The following DNM3 variants were observed in gnomAD, a reference collection of about 807,000 sequenced individuals.
DNM3 encodes dynamin 3.
A neutral mutation model predicts 101.6 loss-of-function variants in DNM3; 47 were observed. The observed-to-expected ratio is 0.46, with a 90% CI of 0.37 to 0.59. The LOEUF (loss-of-function observed/expected upper bound fraction) is 0.59, where lower values mean the gene tolerates loss of function less well. DNM3 is among the 20% of genes least tolerant of loss of function. DNM3 has a pLI of 0.00. For synonymous variants in DNM3, 385 were observed against 387.9 expected (o/e 0.99, Z 0.09); for missense variants, 849 against 1,085.7 (o/e 0.78, Z 3.06).
chr1:171,998,114 G>T (rs1407052969), intron 4 of DNM3, among the ~76,000 whole-genome samples: 1 of 152,126 alleles, frequency 6.6e-6, no homozygotes, highest in African/African-American at 2.4e-5. Flanking sequence ...AAAAGTGCCT[G>T]TCTCAGATGC....
chr1:171,945,470 T>C (rs2042113311), intron 2 of DNM3, among the ~76,000 whole-genome samples: 1 of 152,184 alleles, frequency 6.6e-6, no homozygotes, highest in Non-Finnish European at 1.5e-5. Context: ...CACTTTGTTA[T>C]TGAAGTCAAC....
intron 14 of DNM3, among the ~76,000 whole-genome samples, chr1:172,219,796 A>G (rs1179562020): frequency 6.6e-6 from 1 of 152,196 alleles, no homozygotes; most frequent in Non-Finnish European, 1.5e-5. Flanking sequence ...TTCCCCAGCA[A>G]ACAAGAAGCT....
At position 172,076,839 on chromosome 1, in the gene DNM3, T is replaced by C. The variant is rs548976249; in HGVS notation, c.1423-4993T>C. Among the ~76,000 whole-genome samples, 173 of 152,316 alleles carry C rather than the reference T, an allele frequency of 1.1e-3. 1 individual carries two copies. The highest frequency in any genetic ancestry group is 3.8e-3 in the African/African-American group (159 of 41,572). On this transcript the variant is annotated intron_variant, in intron 11 of 20. Transcript: ENST00000627582. ...ATGACGTTGGCATCATAAAATGAGTTAGGGAGGAGTTCCTCTTTTTCTATT... is the reference window on the plus strand; with the variant it reads ...ATGACGTTGGCATCATAAAATGAGTCAGGGAGGAGTTCCTCTTTTTCTATT...
chr1:172,329,821 A>T (rs566143876), intron 17 of DNM3, among the ~76,000 whole-genome samples: 1 of 152,352 alleles, frequency 6.6e-6, no homozygotes, highest in South Asian at 2.1e-4. Flanking sequence ...AGGGGGCCAA[A>T]TCAATAGAGC....
intron 15 of DNM3, among the ~76,000 whole-genome samples, chr1:172,300,338 G>T (rs1557955488): frequency 6.6e-6 from 1 of 152,110 alleles, no homozygotes; most frequent in Admixed American, 6.6e-5. Flanking sequence ...TCTGTAGGTT[G>T]TCTGTTTACC....
chr1:172,233,871 G>T (rs1264552957), intron 14 of DNM3, among the ~76,000 whole-genome samples: 2 of 152,140 alleles, frequency 1.3e-5, no homozygotes, highest in African/African-American at 4.8e-5. Context: ...CAATAAATTA[G>T]GTATTGATGG....
chr1:171,882,368 C>T (rs1223079317), intron 1 of DNM3, among the ~76,000 whole-genome samples: 1 of 140,496 alleles, frequency 7.1e-6, no homozygotes, highest in African/African-American at 2.6e-5. Flanking sequence ...AGCCCTTTTG[C>T]ATAACAACTA....
Position 172,035,044 on chromosome 1 carries a change from T to G in DNM3, c.849+1779T>G, listed in dbSNP as rs115463481. 6.9e-3 allele frequency among the ~76,000 whole-genome samples: 1,053 copies of G among 152,048 alleles called. 19 individuals are homozygous for G. Among genetic ancestry groups the G allele is most frequent in the African/African-American group, 0.024 (993 of 41,486 alleles). On this transcript the variant is annotated intron_variant, in intron 6 of 20. Coordinates refer to ENST00000627582, the MANE Select transcript of DNM3 (RefSeq NM_015569.5). ...AGTTAGAAGTAAAAATGAGAAATTA[T>G]GGGAATTTGGTTGTGGTAAGGGCCA... is the stretch of plus-strand genomic sequence containing the variant.
At chr1:171,911,416 G>A (rs2039293146) in intron 1 of DNM3, among the ~76,000 whole-genome samples, 1 of 151,814 alleles carries the variant, frequency 6.6e-6, no homozygotes, top group South Asian at 2.1e-4. Flanking sequence ...GAATAGCTGG[G>A]ATATTACAAG....
At chr1:171,997,366 G>C (rs2046068623) in intron 4 of DNM3, among the ~76,000 whole-genome samples, 1 of 152,126 alleles carries the variant, frequency 6.6e-6, no homozygotes, top group South Asian at 2.1e-4. Context: ...GAAGGTCTTA[G>C]GTAGGTTGGG....
intron 2 of DNM3, among the ~76,000 whole-genome samples, chr1:171,978,017 CAAA>C (rs1288724730): frequency 6.6e-6 from 1 of 152,166 alleles, no homozygotes; most frequent in Non-Finnish European, 1.5e-5. Context: ...CCCTTATCCA[CAAA>C]CCTCAAGCCT....
chr1:172,080,577 C>G (rs917463147), intron 11 of DNM3, among the ~76,000 whole-genome samples: 4 of 152,172 alleles, frequency 2.6e-5, no homozygotes, highest in Admixed American at 2.6e-4. Flanking sequence ...GGGGTGGGAT[C>G]CGCTGACCTA....
rs554036349 is a variant in DNM3, at chr1:172,084,766, C to T, written c.1493+2864C>T. 1.5e-3 allele frequency among the ~76,000 whole-genome samples: 234 copies of T among 152,150 alleles called. 1 individual carries two copies. Among genetic ancestry groups the T allele is most frequent in the African/African-American group, 5.3e-3 (221 of 41,536 alleles). On this transcript the variant is annotated intron_variant, in intron 12 of 20. Coordinates refer to ENST00000627582, the MANE Select transcript of DNM3 (RefSeq NM_015569.5). ...AAGGTCTGGGGTTGAAGAAAACAAG[C>T]ATTTGTTTCATGAGATTTTTAGAGA...
intron 10 of DNM3, among the ~76,000 whole-genome samples, chr1:172,056,599 G>C (rs1188028215): frequency 2.0e-5 from 3 of 152,180 alleles, no homozygotes; most frequent in South Asian, 2.1e-4. Flanking sequence ...ACCTCACACG[G>C]CAGGGTACTC....
At chr1:172,182,792 C>T (rs2059393323) in intron 14 of DNM3, among the ~76,000 whole-genome samples, 1 of 152,040 alleles carries the variant, frequency 6.6e-6, no homozygotes, top group Non-Finnish European at 1.5e-5. Flanking sequence ...AAGTTGAATA[C>T]CCAATCTTTT....
intron 13 of DNM3, among the ~76,000 whole-genome samples, chr1:172,125,826 CA>C (rs2056590775): frequency 6.6e-6 from 1 of 152,072 alleles, no homozygotes; most frequent in South Asian, 2.1e-4. Flanking sequence ...TTTATTTTGG[CA>C]GTTTTAAATT....
At chr1:172,089,335 T>C (rs754079788) in intron 12 of DNM3, among the ~76,000 whole-genome samples, 3 of 152,206 alleles carry the variant, frequency 2.0e-5, no homozygotes. Flanking sequence ...TATGTTAAAC[T>C]AAAACACCAT....
At chr1:172,401,616 T>TA (rs2070489738) in intron 20 of DNM3, among the ~76,000 whole-genome samples, 1 of 152,214 alleles carries the variant, frequency 6.6e-6, no homozygotes, top group South Asian at 2.1e-4. Flanking sequence ...CTGGCTCTAA[T>TA]ACACTGCAAG....
chr1:172,098,499 G>A (rs1572500034), intron 13 of DNM3, among the ~76,000 whole-genome samples: 1 of 152,232 alleles, frequency 6.6e-6, no homozygotes, highest in East Asian at 1.9e-4. Flanking sequence ...CAAACAATTT[G>A]TGCAGTTAAC....
Sources: allele counts gnomAD v4.1 joint callset (sites outside exome capture counted in the v4.1 genomes callset), GRCh38; gene constraint gnomAD v4.1.1; transcripts MANE v1.5; gene names NCBI Gene and HGNC (gene_info 2026-07-23, HGNC 2026-07-21).